Variants in SCAP observed in about 807,000 individuals in gnomAD.
The protein encoded by SCAP is sterol regulatory element-binding protein cleavage-activating protein.
Under a neutral mutation model 123.6 loss-of-function variants are expected in SCAP, and 65 were observed. The observed-to-expected ratio is 0.53, with a 90% CI of 0.43 to 0.65. The LOEUF (loss-of-function observed/expected upper bound fraction) is 0.65, where lower values mean the gene tolerates loss of function less well. SCAP is among the 30% of genes least tolerant of loss of function. The pLI, the probability that SCAP is intolerant of heterozygous loss-of-function variation, is 0.00. For missense variants in SCAP, 1,398 were observed against 1,712.5 expected (o/e 0.82, Z 3.24); for synonymous variants, 740 against 726.3 (o/e 1.02, Z -0.30).
rs1281346457 is a variant in SCAP at position 47,414,236 on chromosome 3, C to T, written c.3538G>A (p.Asp1180Asn). 1.2e-6 allele frequency: 2 copies of T among 1,613,684 alleles called. No homozygotes were observed. Among genetic ancestry groups the T allele is most frequent in the East Asian group, 4.5e-5 (2 of 44,884 alleles). ...CTGCGGTCCCAGATGCTGATGAGGT[C>T]ATCCAGGCCACTGCTGATGACACAG... ...TSCVISSGLD[D>N]LISIWDRSTG... The change falls in exon 22 of 23, where the codon GAC (aspartate) becomes AAC (asparagine). Residue 1180 changes from aspartate (D) to asparagine (N), a missense_variant. Asp to Asn is a conservative substitution (Grantham distance 23). Around this residue, in one of 7 missense-constraint regions of SCAP, gnomAD observed 130 missense variants for 166.7 expected, o/e 0.78. Transcript: ENST00000265565.
At chr3:47,467,806 A>G (rs1707879792) in intron 1 of SCAP, among the ~76,000 whole-genome samples, 1 of 152,044 alleles carries the variant, frequency 6.6e-6, no homozygotes, top group Admixed American at 6.6e-5. Flanking sequence ...TACATGTGCC[A>G]TGTTGGTGTG....
At chr3:47,465,443 A>T (rs919060186) in intron 1 of SCAP, among the ~76,000 whole-genome samples, 1 of 152,196 alleles carries the variant, frequency 6.6e-6, no homozygotes, top group African/African-American at 2.4e-5. Flanking sequence ...AACGCAATCC[A>T]TATCAAAATG....
At chr3:47,476,291 C>T (rs940690608), upstream of SCAP, among the ~76,000 whole-genome samples, 22 of 152,114 alleles carry the variant, frequency 1.4e-4, no homozygotes, top group Non-Finnish European at 2.8e-4. Flanking sequence ...AGGAGACCTC[C>T]GTCTCCACAA....
chr3:47,474,489 C>A (rs1282406201), intron 1 of SCAP, among the ~76,000 whole-genome samples: 1 of 151,806 alleles, frequency 6.6e-6, no homozygotes, highest in African/African-American at 2.4e-5. Flanking sequence ...TATATTAACA[C>A]ACATTTTAAA....
chr3:47,453,007 G>C (rs536063639), intron 1 of SCAP, among the ~76,000 whole-genome samples: 1 of 152,100 alleles, frequency 6.6e-6, no homozygotes, highest in Non-Finnish European at 1.5e-5. Flanking sequence ...GAGTGGGAAG[G>C]ACTGCTTGAG....
chr3:47,472,917 C>T (rs1708086197), intron 1 of SCAP, among the ~76,000 whole-genome samples: 1 of 151,692 alleles, frequency 6.6e-6, no homozygotes, highest in Non-Finnish European at 1.5e-5. Context: ...CTCGCCTCTA[C>T]TAAAAATACA....
chr3:47,454,713 ACT>A (rs1477344892), intron 1 of SCAP, among the ~76,000 whole-genome samples: 1 of 152,028 alleles, frequency 6.6e-6, no homozygotes, highest in Non-Finnish European at 1.5e-5. Context: ...GTGCCACTGC[ACT>A]CCAGCCCAGA....
chr3:47,425,114 C>G (rs1706066954), intron 8 of SCAP, among the ~76,000 whole-genome samples: 2 of 152,208 alleles, frequency 1.3e-5, no homozygotes, highest in African/African-American at 4.8e-5. Flanking sequence ...AGCCATCAAG[C>G]TGCAGTGTGT....
chr3:47,413,736 T>C lies in SCAP; in HGVS notation c.*118A>G. On this transcript the variant is annotated 3_prime_UTR_variant, in exon 23 of 23. Coordinates refer to ENST00000265565, the MANE Select transcript of SCAP (RefSeq NM_012235.4). ...ATGGTTTTTTAAAAAAGTTTAATAT[T>C]ATTACAGTCAGGAGGCAGCGGCTGG... 7.4e-7 allele frequency: 1 copy of C among 1,352,286 alleles called. No homozygotes were observed. The highest frequency in any genetic ancestry group is 1.0e-6 in the Non-Finnish European group (1 of 991,744). The allele number at this position is 1,352,286 out of a possible 1,614,324, so 83.8% of individuals were successfully genotyped here.
chr3:47,431,761 T>G (rs1706368681), intron 3 of SCAP, among the ~76,000 whole-genome samples: 1 of 152,184 alleles, frequency 6.6e-6, no homozygotes, highest in African/African-American at 2.4e-5. Context: ...CCCCAATCAC[T>G]TACTGTAGGA....
At chr3:47,418,027 G>A (rs1432898198) in intron 16 of SCAP, 107 bp downstream of exon 16, 2 of 744,890 alleles carry the variant, frequency 2.7e-6, no homozygotes, top group East Asian at 5.7e-5. Flanking sequence ...GGCCTGGAGG[G>A]GTTGGGGGAT....
intron 3 of SCAP, 123 bp from the exon 4 acceptor site, chr3:47,428,793 C>A: frequency 9.5e-7 from 1 of 1,054,068 alleles, no homozygotes; most frequent in Non-Finnish European, 1.4e-6. Context: ...AAACCAATGA[C>A]TAATACAAGT....
In SCAP at chr3:47,420,235, C is replaced by T. The variant is rs774530661; in HGVS notation, c.1563+319G>A. Reference sequence around the variant, plus strand: ...CCATGCAGCGGCCGATGAACCCGACCCAGGGCAATGTGGTGGCCACAAGTG... The same window carrying T: ...CCATGCAGCGGCCGATGAACCCGACTCAGGGCAATGTGGTGGCCACAAGTG... On this transcript the variant is annotated intron_variant, in intron 12 of 22. Transcript: ENST00000265565. The surrounding 1 kb of genome is among the most constrained non-coding windows in gnomAD (Gnocchi z 5.0). Among the ~76,000 whole-genome samples the T allele has an allele frequency of 7.6e-4, 115 of 152,316 alleles. 1 individual carries two copies. The highest frequency in any genetic ancestry group is 3.1e-3 in the Admixed American group (48 of 15,308).
intron 1 of SCAP, among the ~76,000 whole-genome samples, chr3:47,474,258 C>T (rs1045723374): frequency 7.4e-6 from 1 of 135,354 alleles, no homozygotes; most frequent in Non-Finnish European, 1.6e-5. Flanking sequence ...GAGCGAGACT[C>T]CATCTCAAAA....
chr3:47,444,055 C>T (rs867866835), intron 1 of SCAP, among the ~76,000 whole-genome samples: 3 of 152,160 alleles, frequency 2.0e-5, no homozygotes, highest in Admixed American at 2.0e-4. Context: ...ATTCTATACC[C>T]TTCTAATAAA....
chr3:47,461,483 G>C (rs1391652346), intron 1 of SCAP, among the ~76,000 whole-genome samples: 1 of 152,128 alleles, frequency 6.6e-6, no homozygotes, highest in African/African-American at 2.4e-5. Context: ...GAACTTGCTT[G>C]CCTTCCAGAC....
At chr3:47,422,631 C>G in intron 9 of SCAP, 95 bp from the exon 10 acceptor site, 1 of 1,053,252 alleles carries the variant, frequency 9.5e-7, no homozygotes, top group Admixed American at 2.1e-5. Flanking sequence ...AGAGGCATGG[C>G]AAGGCCCCCC....
In SCAP at chr3:47,414,908, G is replaced by A. The variant is rs778923043; in HGVS notation, c.3225C>T (p.Pro1075=). 1 of 1,612,840 alleles carries A rather than the reference G, an allele frequency of 6.2e-7. No individual in the cohort carries two copies. Among genetic ancestry groups the A allele is most frequent in the Non-Finnish European group, 8.5e-7 (1 of 1,179,830 alleles). Reference sequence around the variant, plus strand: ...CTGTGATGGGTTTTTGGTGTGCACAGGGCACTGTGTGGGTCAGGTGACAGG... The same window carrying A: ...CTGTGATGGGTTTTTGGTGTGCACAAGGCACTGTGTGGGTCAGGTGACAGG... ...TVACHLTHTV[P]CAHQKPITAL... is the part of the protein sequence containing the mutation. The change falls in exon 20 of 23, where the codon CCC becomes CCT. Residue 1075 remains proline (P), a synonymous_variant. Transcript: ENST00000265565.
intron 3 of SCAP, chr3:47,428,888 G>A (rs533186051): frequency 2.0e-6 from 1 of 497,368 alleles, no homozygotes; most frequent in Non-Finnish European, 3.5e-6. Context: ...TAAAAGAACT[G>A]GCTGAAATAA....
Sources: allele counts gnomAD v4.1 joint callset (sites outside exome capture counted in the v4.1 genomes callset), GRCh38; gene constraint gnomAD v4.1.1; regional missense constraint gnomAD v4.1.1; non-coding constraint Gnocchi (gnomAD v3.1); transcripts MANE v1.5; gene names NCBI Gene and HGNC (gene_info 2026-07-23, HGNC 2026-07-21).